The following FRY variants were observed in gnomAD, a reference collection of about 807,000 sequenced individuals.
The protein encoded by FRY is protein furry homolog.
FRY carries 128 observed loss-of-function variants against 348.4 expected under a neutral mutation model. That is an observed-to-expected ratio of 0.37 (90% CI 0.32 to 0.43). FRY has a LOEUF of 0.43. Among genes scored for constraint, FRY ranks in the 20% least tolerant of loss-of-function variants. The probability of loss-of-function intolerance (pLI) is 1.00; values close to 1 mark genes in which losing one functional copy is unlikely to be tolerated. For synonymous variants in FRY, 1,370 were observed against 1,374.7 expected (o/e 1.00, Z 0.08); for missense variants, 2,736 against 3,695.2 (o/e 0.74, Z 6.73).
At chr13:32,060,744 G>A (rs746102330) in intron 1 of FRY, 31 of 184,992 alleles carry the variant, frequency 1.7e-4, no homozygotes, top group Admixed American at 1.6e-3. Context: ...TGTTCCTGGA[G>A]TGCTTTGAGC....
At position 32,244,888 on chromosome 13, in the gene FRY, T is replaced by G. The variant is rs570219541; in HGVS notation, c.6828+706T>G. ...AGCTGGTATTTGGATCCAAAGCCAG[T>G]GTCTTTGTTTTATTGTACCAGGCAG... On this transcript the variant is annotated intron_variant, in intron 47 of 60. Transcript: ENST00000542859. Among the ~76,000 whole-genome samples the G allele has an allele frequency of 2.0e-5, 3 of 152,306 alleles. No homozygotes were observed. In the East Asian group the frequency reaches 5.8e-4, roughly 29 times the overall value.
At chr13:32,244,678 ATTTG>A in intron 47 of FRY, among the ~76,000 whole-genome samples, 1 of 152,238 alleles carries the variant, frequency 6.6e-6, no homozygotes, top group East Asian at 1.9e-4. Context: ...AACAAAAAAC[ATTTG>A]TTTGAGGGGA....
rs770045997 is a variant in FRY, at chr13:32,276,616, A to G, written c.8385+54A>G. 5.5e-6 allele frequency: 5 copies of G among 902,768 alleles called. No individual in the cohort carries two copies. In the East Asian group the frequency reaches 1.2e-4, roughly 22 times the overall value. The allele number at this position is 902,768 out of a possible 1,614,324, so 55.9% of individuals were successfully genotyped here. On this transcript the variant is annotated intron_variant, in intron 57 of 60. Transcript: ENST00000542859. ...AGTCAGTTAAAACCAAATGAACCCA[A>G]CCACTCTGAGTTCTTGGGCGGGGTT...
At chr13:32,242,318 T>C (rs1330154089) in intron 46 of FRY, among the ~76,000 whole-genome samples, 1 of 152,232 alleles carries the variant, frequency 6.6e-6, no homozygotes, top group Non-Finnish European at 1.5e-5. Context: ...ATTCGAGAAG[T>C]TGGTCTTCAT....
At chr13:32,091,976 G>A (rs1055461244) in intron 2 of FRY, among the ~76,000 whole-genome samples, 2 of 152,248 alleles carry the variant, frequency 1.3e-5, no homozygotes, top group Admixed American at 6.5e-5. Flanking sequence ...AGCATCTTAA[G>A]CAAGGTTAGT....
intron 2 of FRY, among the ~76,000 whole-genome samples, chr13:32,089,155 A>T (rs879815550): frequency 6.6e-6 from 1 of 152,320 alleles, no homozygotes; most frequent in East Asian, 1.9e-4. Flanking sequence ...AGCAAGTTTT[A>T]CTATAGCATT....
At chr13:32,280,842 T>A (rs1888775706) in intron 58 of FRY, among the ~76,000 whole-genome samples, 1 of 152,228 alleles carries the variant, frequency 6.6e-6, no homozygotes, top group Non-Finnish European at 1.5e-5. Context: ...AAATTCCAGT[T>A]AACTTATCCT....
Position 32,063,232 on chromosome 13 carries a change from G to A in FRY, c.71-15602G>A, listed in dbSNP as rs142116270. ...CCACGTCCAGTTTGCATAGTCTTCAGTGTCCCTTTATGTTGGGTCCCTGTG... is the reference window on the plus strand; with the variant it reads ...CCACGTCCAGTTTGCATAGTCTTCAATGTCCCTTTATGTTGGGTCCCTGTG... On this transcript the variant is annotated intron_variant, in intron 1 of 60. Coordinates refer to ENST00000542859, the MANE Select transcript of FRY (RefSeq NM_023037.3). Among the ~76,000 whole-genome samples, 3 of 152,310 alleles carry A rather than the reference G, an allele frequency of 2.0e-5. No individual in the cohort carries two copies. In the East Asian group the frequency reaches 5.8e-4, roughly 29 times the overall value.
chr13:32,127,351 C>T lies in FRY; in HGVS notation c.716+2476C>T, dbSNP rs573896394. ...AGTATTTACTAAATAAAATACTAAA[C>T]AGGAAATACTAAAGGAAAGGTCATT... On this transcript the variant is annotated intron_variant, in intron 7 of 60. Coordinates refer to ENST00000542859, the MANE Select transcript of FRY (RefSeq NM_023037.3). Among the ~76,000 whole-genome samples, 50 of 151,942 alleles carry T rather than the reference C, an allele frequency of 3.3e-4. 1 individual carries two copies. Among genetic ancestry groups the T allele is most frequent in the Admixed American group, 1.0e-3 (16 of 15,268 alleles).
At chr13:32,063,437 C>T (rs1370797925) in intron 1 of FRY, among the ~76,000 whole-genome samples, 1 of 152,192 alleles carries the variant, frequency 6.6e-6, no homozygotes, top group Non-Finnish European at 1.5e-5. Context: ...CCTTAGCCTC[C>T]AGAGCCTTTT....
At chr13:32,124,525 A>G (rs1878906047) in intron 5 of FRY, 77 bp from the exon 6 acceptor site, 3 of 902,560 alleles carry the variant, frequency 3.3e-6, no homozygotes, top group Admixed American at 1.8e-5. Flanking sequence ...TGATTGTCAT[A>G]TATAGTTATT....
intron 1 of FRY, among the ~76,000 whole-genome samples, chr13:32,073,931 G>A (rs898662112): frequency 6.6e-6 from 1 of 152,136 alleles, no homozygotes; most frequent in African/African-American, 2.4e-5. Context: ...GCTACAGTTA[G>A]GAGGGTAGTC....
chr13:32,267,420 A>G (rs1887979045), intron 55 of FRY, 61 bp downstream of exon 55: 3 of 1,410,172 alleles, frequency 2.1e-6, no homozygotes, highest in Non-Finnish European at 3.0e-6. Context: ...GGTAACTTTG[A>G]ATTTAAGGAG....
chr13:32,206,462 T>C lies in FRY; in HGVS notation c.4019-2391T>C, dbSNP rs563878087. 2.4e-4 allele frequency among the ~76,000 whole-genome samples: 37 copies of C among 152,318 alleles called. 1 individual carries two copies. In the South Asian group the frequency reaches 7.7e-3, roughly 32 times the overall value. On this transcript the variant is annotated intron_variant, in intron 31 of 60. Coordinates refer to ENST00000542859, the MANE Select transcript of FRY (RefSeq NM_023037.3). Reference sequence around the variant, plus strand: ...GTCAGTAGTTTCTGCAGGGAGGTAGTGGCAGAAGCCAGATCACAGTGGCCT... The same window carrying C: ...GTCAGTAGTTTCTGCAGGGAGGTAGCGGCAGAAGCCAGATCACAGTGGCCT...
intron 22 of FRY, among the ~76,000 whole-genome samples, 200 bp downstream of exon 22, chr13:32,179,233 T>G (rs1378994327): frequency 2.0e-5 from 3 of 152,226 alleles, no homozygotes; most frequent in Middle Eastern, 3.4e-3. Context: ...GAACCAAAGA[T>G]AAAGAAAAGT....
chr13:32,158,581 G>T (rs1881250238), intron 16 of FRY, among the ~76,000 whole-genome samples: 1 of 152,046 alleles, frequency 6.6e-6, no homozygotes, highest in African/African-American at 2.4e-5. Context: ...CATACTTCTT[G>T]CATATATTAA....
rs778117404 is a variant in FRY, at chr13:32,295,431, G to C, written c.9013G>C (p.Asp3005His). The change falls in exon 61 of 61, where the codon GAC becomes CAC. Residue 3005 changes from aspartate to histidine, a missense_variant. Coordinates refer to ENST00000542859, the MANE Select transcript of FRY (RefSeq NM_023037.3). ...CCGAGTCCTCACTACTTTTCTTCCA[G>C]ACTCCAGTGTTTCTGGCACTAGTCT... is the stretch of plus-strand genomic sequence containing the variant. ...SYRVLTTFLPDSSVSGTSL is the reference protein window; with the variant it reads ...SYRVLTTFLPHSSVSGTSL The C allele has an allele frequency of 6.2e-7, 1 of 1,611,864 alleles. No individual in the cohort carries two copies. Among genetic ancestry groups the C allele is most frequent in the South Asian group, 1.1e-5 (1 of 91,070 alleles).
rs144316598 is a variant in FRY at position 32,118,209 on chromosome 13, A to G, written c.464+736A>G. On this transcript the variant is annotated intron_variant, in intron 4 of 60. Coordinates refer to ENST00000542859, the MANE Select transcript of FRY (RefSeq NM_023037.3). ...CAACCTATAGCAAGGCAGTGAATAT[A>G]AGAAAGATTAATACACTTACCTTTT... Among the ~76,000 whole-genome samples the G allele has an allele frequency of 6.2e-4, 95 of 152,310 alleles. No homozygotes were observed. The East Asian group carries it at 0.017, about 28-fold the overall frequency.
At chr13:32,103,236 C>T (rs1214838169) in intron 3 of FRY, among the ~76,000 whole-genome samples, 1 of 152,198 alleles carries the variant, frequency 6.6e-6, no homozygotes, top group Admixed American at 6.5e-5. Flanking sequence ...TGTGCCATGG[C>T]ACTATCTTCT....
Sources: allele counts gnomAD v4.1 joint callset (sites outside exome capture counted in the v4.1 genomes callset), GRCh38; gene constraint gnomAD v4.1.1; transcripts MANE v1.5; gene names NCBI Gene and HGNC (gene_info 2026-07-23, HGNC 2026-07-21).